Variants in SPOCK3 observed in about 807,000 individuals in gnomAD.
SPOCK3 encodes SPARC (osteonectin), cwcv and kazal like domains proteoglycan 3, also known as testican-3.
Under a neutral mutation model 56.6 loss-of-function variants are expected in SPOCK3, and 30 were observed. The observed-to-expected ratio is 0.53, with a 90% confidence interval of 0.40 to 0.72. The LOEUF (loss-of-function observed/expected upper bound fraction) is 0.72. Among genes scored for constraint, SPOCK3 ranks in the 30% least tolerant of loss-of-function variants. The pLI is 0.00. For missense variants in SPOCK3, 527 were observed against 530.0 expected (o/e 0.99, Z 0.06); for synonymous variants, 196 against 183.3 (o/e 1.07, Z -0.56).
chr4:166,919,386 G>A (rs1738237248), intron 4 of SPOCK3, among the ~76,000 whole-genome samples: 3 of 152,142 alleles, frequency 2.0e-5, no homozygotes, highest in Admixed American at 6.6e-5. Context: ...AATATATGCT[G>A]TCAAGTAAAT....
chr4:167,039,049 C>A (rs1198293481), intron 3 of SPOCK3, among the ~76,000 whole-genome samples: 2 of 152,168 alleles, frequency 1.3e-5, no homozygotes, highest in African/African-American at 4.8e-5. Flanking sequence ...AAGGAATCAG[C>A]AGTGCTGGGT....
chr4:166,816,616 T>C (rs1744411957), intron 6 of SPOCK3, among the ~76,000 whole-genome samples: 1 of 152,108 alleles, frequency 6.6e-6, no homozygotes. Flanking sequence ...GAGGATATTA[T>C]ATACAAGTCA....
At chr4:166,990,322 T>G (rs1307534279) in intron 4 of SPOCK3, among the ~76,000 whole-genome samples, 1 of 152,126 alleles carries the variant, frequency 6.6e-6, no homozygotes, top group Non-Finnish European at 1.5e-5. Context: ...AGTAAAAATG[T>G]TCTTACATGT....
chr4:166,886,918 G>A (rs555436195), intron 6 of SPOCK3, among the ~76,000 whole-genome samples: 47 of 152,122 alleles, frequency 3.1e-4, no homozygotes, highest in Non-Finnish European at 5.9e-4. Context: ...TGACTGTACT[G>A]CTTTTCCACA....
At chr4:166,739,397 C>T (rs562825434) in intron 9 of SPOCK3, among the ~76,000 whole-genome samples, 1 of 152,024 alleles carries the variant, frequency 6.6e-6, no homozygotes, top group Non-Finnish European at 1.5e-5. Flanking sequence ...TGCACCACCA[C>T]ACCAAGGTAA....
intron 2 of SPOCK3, among the ~76,000 whole-genome samples, chr4:167,075,132 A>T (rs901799332): frequency 6.6e-6 from 1 of 151,876 alleles, no homozygotes; most frequent in Non-Finnish European, 1.5e-5. Context: ...ACTATTTGGC[A>T]GCACTTCTAA....
chr4:167,154,302 C>A (rs1029872733), intron 2 of SPOCK3, among the ~76,000 whole-genome samples: 11 of 151,840 alleles, frequency 7.2e-5, no homozygotes, highest in African/African-American at 2.7e-4. Flanking sequence ...CTCCAAAATT[C>A]CCAGAAAAGG....
intron 6 of SPOCK3, among the ~76,000 whole-genome samples, chr4:166,837,780 A>T (rs1212264288): frequency 3.3e-5 from 5 of 151,998 alleles, no homozygotes; most frequent in African/African-American, 1.2e-4. Context: ...TTCCTTTCTG[A>T]TGTTTCAATA....
chr4:167,044,095 A>G (rs774920939), intron 3 of SPOCK3, among the ~76,000 whole-genome samples: 3 of 151,946 alleles, frequency 2.0e-5, no homozygotes, highest in Non-Finnish European at 4.4e-5. Flanking sequence ...TTGACAGGTT[A>G]TTAATTTTTG....
At chr4:167,213,634 A>G (rs1735084603) in intron 2 of SPOCK3, among the ~76,000 whole-genome samples, 1 of 152,132 alleles carries the variant, frequency 6.6e-6, no homozygotes, top group Admixed American at 6.6e-5. Flanking sequence ...ATTTAAATAT[A>G]ATGGAGGAAA....
rs1355985667 is a variant in SPOCK3 at position 166,856,188 on chromosome 4, A to AG, written c.589+32941dup. On this transcript the variant is annotated intron_variant, in intron 6 of 10. Coordinates refer to ENST00000357545, the MANE Select transcript of SPOCK3 (RefSeq NM_001040159.2). ...AGGAGGAGGAGGAGGAGGAGGAGGA[A>AG]GTGGAGTGGGTAGAAATAGGGGAGA... 9.5e-5 allele frequency among the ~76,000 whole-genome samples: 13 copies of AG among 136,550 alleles called. No homozygotes were observed. The East Asian group carries it at 2.9e-3, about 30-fold the overall frequency. 89.6% of individuals were successfully genotyped at this position (136,550 alleles called of 152,430 possible).
At chr4:166,856,804 C>CTAGATATCTAGATATCTAGA (rs1553988940) in intron 6 of SPOCK3, among the ~76,000 whole-genome samples, 1 of 150,158 alleles carries the variant, frequency 6.7e-6, no homozygotes, top group African/African-American at 2.5e-5. Context: ...ATCTATCTAT[C>CTAGATATCTAGATATCTAGA]TATCTAGATA....
At chr4:166,879,355 C>T (rs1733454718) in intron 6 of SPOCK3, among the ~76,000 whole-genome samples, 1 of 151,828 alleles carries the variant, frequency 6.6e-6, no homozygotes, top group Admixed American at 6.6e-5. Context: ...ATACTGAGAT[C>T]CTGTCTCTAC....
At chr4:167,019,704 T>C (rs1219906753) in intron 3 of SPOCK3, among the ~76,000 whole-genome samples, 3 of 152,108 alleles carry the variant, frequency 2.0e-5, no homozygotes, top group Admixed American at 2.0e-4. Flanking sequence ...AATTAAAATG[T>C]GTGTTAGGGA....
chr4:167,008,739 C>G (rs1436764663), intron 3 of SPOCK3, among the ~76,000 whole-genome samples: 1 of 151,950 alleles, frequency 6.6e-6, no homozygotes, highest in Non-Finnish European at 1.5e-5. Flanking sequence ...AACACAGAAA[C>G]AGAAAATCAA....
At chr4:167,186,452 C>T (rs1355863913) in intron 2 of SPOCK3, among the ~76,000 whole-genome samples, 20 of 151,956 alleles carry the variant, frequency 1.3e-4, no homozygotes, top group Admixed American at 1.3e-3. Flanking sequence ...CATGGTGAAA[C>T]CCCATCTCTA....
intron 4 of SPOCK3, among the ~76,000 whole-genome samples, chr4:166,942,878 C>T (rs1741270879): frequency 6.6e-6 from 1 of 152,080 alleles, no homozygotes. Flanking sequence ...TGACTTGTTG[C>T]AATTTTAAGT....
rs142716187 is a variant in SPOCK3 at position 167,128,095 on chromosome 4, T to A, written c.190-65558A>T. 4.7e-3 allele frequency among the ~76,000 whole-genome samples: 718 copies of A among 152,348 alleles called. 4 individuals carry two copies. Among genetic ancestry groups the A allele is most frequent in the Non-Finnish European group, 7.6e-3 (516 of 68,030 alleles). ...TCAAACTCTCTCTTTACTAGATCTTTGCTTTCAGCAGATAAAATTGTTCAA... is the reference window on the plus strand; with the variant it reads ...TCAAACTCTCTCTTTACTAGATCTTAGCTTTCAGCAGATAAAATTGTTCAA... On this transcript the variant is annotated intron_variant, in intron 2 of 10. Coordinates refer to ENST00000357545, the MANE Select transcript of SPOCK3 (RefSeq NM_001040159.2).
rs549880603 is a variant in SPOCK3 at position 166,851,223 on chromosome 4, G to T, written c.589+37907C>A. Among the ~76,000 whole-genome samples the T allele has an allele frequency of 1.1e-4, 17 of 152,232 alleles. No individual in the cohort carries two copies. In the East Asian group the frequency reaches 3.3e-3, roughly 30 times the overall value. On this transcript the variant is annotated intron_variant, in intron 6 of 10. Coordinates refer to ENST00000357545, the MANE Select transcript of SPOCK3 (RefSeq NM_001040159.2). ...GCAGGGGCAGACTGACACCTCACAC[G>T]GCCGGGTACTCCAACAGACCTGCAG...
Sources: gnomAD v4.1 joint callset for allele counts (sites outside exome capture counted in the v4.1 genomes callset) on GRCh38, gnomAD v4.1.1 for gene constraint, MANE v1.5 for transcripts, NCBI Gene and HGNC (gene_info 2026-07-23, HGNC 2026-07-21) for gene names.